ARHGAP44: variants seen among roughly 807,000 people sequenced by gnomAD.
ARHGAP44 encodes the protein rho GTPase-activating protein 44.
Under a neutral mutation model 106.8 loss-of-function variants are expected in ARHGAP44, and 43 were observed. The observed-to-expected ratio is 0.40, with a 90% CI of 0.32 to 0.52. The LOEUF is 0.52. Ranked by LOEUF, ARHGAP44 falls within the 20% of genes least tolerant of loss-of-function variation. ARHGAP44 has a pLI of 0.48. For synonymous variants in ARHGAP44, 439 were observed against 410.3 expected, an observed-to-expected ratio of 1.07 and a Z score of -0.85; for missense variants, 866 against 1,050.5, an observed-to-expected ratio of 0.82 and a Z score of 2.43.
chr17:12,974,447 C>T lies in ARHGAP44; in HGVS notation c.1763+137C>T, dbSNP rs1598147542. The stretch of plus-strand genomic sequence containing the variant: ...ATTTCTAAGCATTCATATTTGGCTT[C>T]TGCGTCGCGCTGGCACCAAGTCAGT... On this transcript the variant is annotated intron_variant, in intron 18 of 20. Coordinates refer to ENST00000379672, the MANE Select transcript of ARHGAP44 (RefSeq NM_014859.6). 8.2e-6 allele frequency: 6 copies of T among 731,576 alleles called. No homozygotes were observed. In the East Asian group the frequency reaches 1.7e-4, roughly 21 times the overall value. 45.3% of individuals were successfully genotyped at this position (731,576 alleles called of 1,614,324 possible). A position where few individuals can be genotyped will look rare whatever the true frequency, so the allele number is the denominator to read the frequency against.
At chr17:12,864,246 C>T (rs763295508) in intron 1 of ARHGAP44, among the ~76,000 whole-genome samples, 4 of 152,084 alleles carry the variant, frequency 2.6e-5, no homozygotes, top group Admixed American at 6.6e-5. Flanking sequence ...GCCAGAGATG[C>T]GACAGTGCTA....
intron 1 of ARHGAP44, among the ~76,000 whole-genome samples, chr17:12,807,461 A>G (rs1342848206): frequency 1.3e-5 from 2 of 152,224 alleles, no homozygotes; most frequent in African/African-American, 4.8e-5. Context: ...ACAGTTCCAC[A>G]TGGCTGGGGA....
intron 1 of ARHGAP44, among the ~76,000 whole-genome samples, chr17:12,799,359 C>T (rs1046006980): frequency 6.6e-6 from 1 of 152,192 alleles, no homozygotes; most frequent in African/African-American, 2.4e-5. Context: ...CAGGAGGACT[C>T]CCATGGACAG....
At chr17:12,867,508 T>C (rs1303571040) in intron 1 of ARHGAP44, among the ~76,000 whole-genome samples, 1 of 152,146 alleles carries the variant, frequency 6.6e-6, no homozygotes, top group Non-Finnish European at 1.5e-5. Flanking sequence ...GTCACAATTG[T>C]GCACCAGGAT....
intron 1 of ARHGAP44, among the ~76,000 whole-genome samples, chr17:12,812,498 A>T (rs1484489946): frequency 6.6e-6 from 1 of 152,244 alleles, no homozygotes; most frequent in Non-Finnish European, 1.5e-5. Context: ...TAACGCATTA[A>T]ATAGATTGTG....
At chr17:12,855,466 C>G (rs1597947667) in intron 1 of ARHGAP44, among the ~76,000 whole-genome samples, 2 of 151,650 alleles carry the variant, frequency 1.3e-5, no homozygotes, top group African/African-American at 4.8e-5. Context: ...GAAGGCCTTT[C>G]TCACCATAAG....
chr17:12,935,638 G>A (rs564173902), intron 7 of ARHGAP44, among the ~76,000 whole-genome samples: 1 of 151,856 alleles, frequency 6.6e-6, no homozygotes, highest in South Asian at 2.1e-4. Context: ...AGATAAAATT[G>A]TCAAGTAAAG....
intron 7 of ARHGAP44, among the ~76,000 whole-genome samples, chr17:12,931,805 C>G (rs1463354041): frequency 6.6e-6 from 1 of 150,826 alleles, no homozygotes; most frequent in Non-Finnish European, 1.5e-5. Context: ...AGCCGTTAGT[C>G]TTTTTTATAA....
intron 6 of ARHGAP44, among the ~76,000 whole-genome samples, chr17:12,920,199 C>A (rs944879488): frequency 3.3e-5 from 5 of 151,786 alleles, no homozygotes; most frequent in African/African-American, 1.2e-4. Context: ...CATGGTGAAA[C>A]CCTGTCTCTA....
At position 12,974,088 on chromosome 17, in the gene ARHGAP44, G is replaced by A; in HGVS notation, c.1542-1G>A. ...AGCGGTGTCTTTGTGTCCCTCGCCA[G>A]CATGGGTGTGAGGGTCATGGACACA... On this transcript the variant is annotated splice_acceptor_variant, in intron 17 of 20. Transcript: ENST00000379672. LOFTEE classifies it high-confidence loss of function. 1 of 1,562,414 alleles carries A rather than the reference G, an allele frequency of 6.4e-7. No individual in the cohort carries two copies. The highest frequency in any genetic ancestry group is 1.4e-5 in the African/African-American group (1 of 73,774).
intron 18 of ARHGAP44, among the ~76,000 whole-genome samples, chr17:12,978,778 T>A (rs1369698957): frequency 6.7e-6 from 1 of 150,328 alleles, no homozygotes. Context: ...AACCTCCATC[T>A]CCCGGGTTCA....
intron 19 of ARHGAP44, 84 bp from the exon 20 acceptor site, chr17:12,984,447 G>T: frequency 6.9e-7 from 1 of 1,448,736 alleles, no homozygotes; most frequent in Non-Finnish European, 9.1e-7. Flanking sequence ...AGCTTTGAAC[G>T]CTGAAGGGTG....
intron 1 of ARHGAP44, among the ~76,000 whole-genome samples, chr17:12,876,333 T>A (rs987941698): frequency 1.3e-5 from 2 of 152,150 alleles, no homozygotes; most frequent in Non-Finnish European, 2.9e-5. Context: ...CTTCCCTCAC[T>A]CCCTCTGCCT....
At chr17:12,840,258 A>C (rs892960846) in intron 1 of ARHGAP44, among the ~76,000 whole-genome samples, 1 of 152,104 alleles carries the variant, frequency 6.6e-6, no homozygotes, top group Non-Finnish European at 1.5e-5. Context: ...CCATTGTTTC[A>C]GTCTGGAAGC....
chr17:12,849,594 T>TG (rs1555547006), intron 1 of ARHGAP44, among the ~76,000 whole-genome samples: 12,092 of 112,274 alleles, frequency 0.11, 2,236 homozygotes, highest in African/African-American at 0.27. Context: ...TTTTTTTTTT[T>TG]GCTTGGCTTC....
chr17:12,983,973 CAG>C (rs2039895043), intron 19 of ARHGAP44, among the ~76,000 whole-genome samples: 1 of 152,176 alleles, frequency 6.6e-6, no homozygotes, highest in Admixed American at 6.5e-5. Flanking sequence ...AATGAAGGAA[CAG>C]GGGTTCTGTG....
At chr17:12,872,640 G>GT (rs889922787) in intron 1 of ARHGAP44, among the ~76,000 whole-genome samples, 1 of 152,136 alleles carries the variant, frequency 6.6e-6, no homozygotes, top group African/African-American at 2.4e-5. Context: ...CAGCCTGATG[G>GT]TTTTTTCCCC....
chr17:12,844,433 T>C (rs1460334672), intron 1 of ARHGAP44, among the ~76,000 whole-genome samples: 2 of 152,194 alleles, frequency 1.3e-5, no homozygotes, highest in Non-Finnish European at 1.5e-5. Flanking sequence ...ACAACGTTAA[T>C]TCGTTCACGA....
intron 5 of ARHGAP44, among the ~76,000 whole-genome samples, chr17:12,917,587 C>A (rs1598051224): frequency 6.6e-6 from 1 of 152,208 alleles, no homozygotes; most frequent in South Asian, 2.1e-4. Flanking sequence ...AGCCTGCTGA[C>A]TCACACATTG....
Sources: allele counts gnomAD v4.1 joint callset (sites outside exome capture counted in the v4.1 genomes callset), GRCh38; gene constraint gnomAD v4.1.1; transcripts MANE v1.5; gene names NCBI Gene and HGNC (gene_info 2026-07-23, HGNC 2026-07-21).